NALCN: variants seen among roughly 807,000 people sequenced by gnomAD.
The protein encoded by NALCN is sodium leak channel NALCN.
In NALCN, 111 loss-of-function variants were observed where a neutral mutation model predicts 225.3. That is an observed-to-expected ratio of 0.49 (90% CI 0.42 to 0.58). NALCN has a LOEUF of 0.58. Ranked by LOEUF, NALCN falls within the 20% of genes least tolerant of loss-of-function variation. NALCN has a pLI of 0.00. For missense variants in NALCN, 1,378 were observed against 2,202.4 expected (o/e 0.63, Z 7.49); for synonymous variants, 764 against 769.0 (o/e 0.99, Z 0.11).
At chr13:101,212,867 C>T (rs1222640866) in intron 13 of NALCN, among the ~76,000 whole-genome samples, 1 of 152,072 alleles carries the variant, frequency 6.6e-6, no homozygotes, top group East Asian at 1.9e-4. Context: ...AATGGCCATA[C>T]TGCCCAAGGT....
chr13:101,103,378 C>G (rs763833584), intron 25 of NALCN, 39 bp from the exon 26 acceptor site: 38 of 1,569,904 alleles, frequency 2.4e-5, no homozygotes, highest in Non-Finnish European at 3.2e-5. Flanking sequence ...TTATACAATT[C>G]ATCCCCTACT....
At chr13:101,240,300 G>A (rs7317341) in intron 11 of NALCN, among the ~76,000 whole-genome samples, 80,185 of 151,512 alleles carry the variant, frequency 0.53, 21,336 homozygotes, top group Non-Finnish European at 0.54. Context: ...TCTTTAATAA[G>A]TTTTTTCCAT....
rs774728366 is a variant in NALCN, at chr13:101,082,875, G to A, written c.3699C>T (p.Val1233=). The A allele has an allele frequency of 6.8e-6, 11 of 1,613,990 alleles. No homozygotes were observed. Among genetic ancestry groups the A allele is most frequent in the Admixed American group, 6.7e-5 (4 of 60,004 alleles). The change falls in exon 33 of 44, where the codon GTC becomes GTT. Residue 1233 remains valine, a synonymous_variant. Coordinates refer to ENST00000251127, the MANE Select transcript of NALCN (RefSeq NM_052867.4). ...CCAAAGGTACGGTCACCGGGTCCTCGACGTCCCACTGCAACAGAAACAGCA... is the reference window on the plus strand; with the variant it reads ...CCAAAGGTACGGTCACCGGGTCCTCAACGTCCCACTGCAACAGAAACAGCA... The part of the protein sequence containing the change: ...QSVLLSVKWD[V]EDPVTVPLAT...
intron 15 of NALCN, among the ~76,000 whole-genome samples, chr13:101,168,483 G>T (rs975577039): frequency 3.9e-5 from 6 of 152,082 alleles, no homozygotes; most frequent in Non-Finnish European, 5.9e-5. Context: ...CGCACTTAAA[G>T]AAATCTAGAA....
chr13:101,307,922 A>G (rs9300660), intron 7 of NALCN, among the ~76,000 whole-genome samples: 8,378 of 152,302 alleles, frequency 0.055, 368 homozygotes, highest in East Asian at 0.23. Context: ...TGTTAGGTAA[A>G]TCAGAACAAT....
chr13:101,381,299 T>C (rs1016118090), intron 3 of NALCN, among the ~76,000 whole-genome samples: 7 of 152,160 alleles, frequency 4.6e-5, no homozygotes, highest in African/African-American at 1.7e-4. Flanking sequence ...GTGCTACACA[T>C]AAACGCATCA....
chr13:101,283,666 C>T (rs972553474), intron 10 of NALCN, among the ~76,000 whole-genome samples: 3 of 151,928 alleles, frequency 2.0e-5, no homozygotes, highest in African/African-American at 7.3e-5. Context: ...TAAGATTTCA[C>T]ATGTCAACAA....
intron 28 of NALCN, among the ~76,000 whole-genome samples, 173 bp from the exon 29 acceptor site, chr13:101,090,139 T>G (rs1361921907): frequency 6.6e-6 from 1 of 152,150 alleles, no homozygotes. Flanking sequence ...TGTGTGTATA[T>G]GTATACACAC....
At chr13:101,298,064 A>T (rs970272044) in intron 7 of NALCN, among the ~76,000 whole-genome samples, 6 of 152,152 alleles carry the variant, frequency 3.9e-5, no homozygotes, top group African/African-American at 1.4e-4. Context: ...GTCTCAATGA[A>T]CTGTCTACTG....
chr13:101,319,823 T>C (rs1594669562), intron 7 of NALCN, among the ~76,000 whole-genome samples: 1 of 124,584 alleles, frequency 8.0e-6, no homozygotes, highest in South Asian at 2.5e-4. Flanking sequence ...TCATTTTACT[T>C]TTATATAAAG....
Position 101,388,112 on chromosome 13 carries a change from A to G in NALCN, c.291+7071T>C, listed in dbSNP as rs546914855. 2.0e-5 allele frequency among the ~76,000 whole-genome samples: 3 copies of G among 152,308 alleles called. No homozygotes were observed. In the South Asian group the frequency reaches 6.2e-4, roughly 32 times the overall value. The stretch of plus-strand genomic sequence containing the variant: ...CATGAAAATGACAGTACTTACTGAT[A>G]TAATTATTACCCTCTAACAATAATA... On this transcript the variant is annotated intron_variant, in intron 3 of 43. Coordinates refer to ENST00000251127, the MANE Select transcript of NALCN (RefSeq NM_052867.4).
At chr13:101,338,219 C>T (rs564914343) in intron 7 of NALCN, among the ~76,000 whole-genome samples, 1 of 152,130 alleles carries the variant, frequency 6.6e-6, no homozygotes, top group East Asian at 1.9e-4. Flanking sequence ...GTGTTAAGGG[C>T]ATATGTTGTA....
chr13:101,260,513 C>T (rs948659112), intron 10 of NALCN, among the ~76,000 whole-genome samples: 2 of 152,166 alleles, frequency 1.3e-5, no homozygotes, highest in African/African-American at 4.8e-5. Context: ...CCCTTTTCTT[C>T]GCATCCTCAC....
intron 7 of NALCN, among the ~76,000 whole-genome samples, chr13:101,312,475 C>T (rs1290516494): frequency 6.6e-6 from 1 of 151,462 alleles, no homozygotes; most frequent in Admixed American, 6.6e-5. Context: ...TTGGATCTTT[C>T]CTGCTTTCTC....
intron 7 of NALCN, among the ~76,000 whole-genome samples, chr13:101,339,181 TTG>T: frequency 6.6e-6 from 1 of 152,222 alleles, no homozygotes; most frequent in East Asian, 1.9e-4. Flanking sequence ...TGCTGTGATT[TTG>T]TGTCACTTCG....
At chr13:101,321,628 T>C (rs2139193933) in intron 7 of NALCN, among the ~76,000 whole-genome samples, 1 of 152,266 alleles carries the variant, frequency 6.6e-6, no homozygotes, top group Non-Finnish European at 1.5e-5. Context: ...CCAGTATTAG[T>C]AATCACACAC....
At chr13:101,325,712 C>T (rs1192264557) in intron 7 of NALCN, among the ~76,000 whole-genome samples, 1 of 152,112 alleles carries the variant, frequency 6.6e-6, no homozygotes, top group African/African-American at 2.4e-5. Flanking sequence ...GCTAATTAAC[C>T]CCTCCAGGTG....
chr13:101,277,820 C>T (rs2043015692), intron 10 of NALCN, among the ~76,000 whole-genome samples: 1 of 152,162 alleles, frequency 6.6e-6, no homozygotes, highest in African/African-American at 2.4e-5. Flanking sequence ...AAACACTCAC[C>T]TCCAGTGCTG....
At chr13:101,237,087 A>G (rs578038176) in intron 12 of NALCN, among the ~76,000 whole-genome samples, 1 of 152,038 alleles carries the variant, frequency 6.6e-6, no homozygotes, top group South Asian at 2.1e-4. Flanking sequence ...CAGGACAGTG[A>G]GCGTGTTGCT....
Sources: allele counts gnomAD v4.1 joint callset (sites outside exome capture counted in the v4.1 genomes callset), GRCh38; gene constraint gnomAD v4.1.1; transcripts MANE v1.5; gene names NCBI Gene and HGNC (gene_info 2026-07-23, HGNC 2026-07-21).